Variants in IMPA2 observed in about 807,000 individuals in gnomAD.
IMPA2 encodes inositol monophosphatase 2, also known as IMP 2.
A neutral mutation model predicts 35.1 loss-of-function variants in IMPA2; 32 were observed. The observed-to-expected ratio is 0.91, with a 90% confidence interval of 0.69 to 1.23. The LOEUF (loss-of-function observed/expected upper bound fraction) is 1.23. Among genes scored for constraint, IMPA2 ranks in the 50% most tolerant of loss-of-function variants. The pLI is 0.00. For synonymous variants in IMPA2, 135 were observed against 160.6 expected (o/e 0.84, Z 1.20); for missense variants, 334 against 387.6 (o/e 0.86, Z 1.16).
At chr18:11,989,311 G>A (rs1906746745) in intron 1 of IMPA2, among the ~76,000 whole-genome samples, 1 of 152,216 alleles carries the variant, frequency 6.6e-6, no homozygotes, top group Non-Finnish European at 1.5e-5. Flanking sequence ...TGGAGGAAGA[G>A]GAGGCAGGAG....
intron 1 of IMPA2, among the ~76,000 whole-genome samples, chr18:11,992,157 C>G (rs961434748): frequency 1.3e-5 from 2 of 152,222 alleles, no homozygotes; most frequent in Non-Finnish European, 2.9e-5. Context: ...CAATGTCTGA[C>G]CAAGTATCTG....
chr18:11,987,132 C>T (rs1906688658), intron 1 of IMPA2, among the ~76,000 whole-genome samples: 1 of 152,066 alleles, frequency 6.6e-6, no homozygotes, highest in African/African-American at 2.4e-5. Context: ...GTTGGAAGCC[C>T]AAGAGGGCTT....
intron 2 of IMPA2, among the ~76,000 whole-genome samples, chr18:12,003,298 G>T (rs746253472): frequency 3.3e-5 from 5 of 152,152 alleles, no homozygotes; most frequent in Non-Finnish European, 7.4e-5. Context: ...TGTGAATGAG[G>T]GACCTGACCA....
intron 2 of IMPA2, among the ~76,000 whole-genome samples, chr18:12,003,054 G>A (rs774904721): frequency 3.9e-5 from 6 of 151,930 alleles, no homozygotes; most frequent in Non-Finnish European, 8.8e-5. Context: ...AATTAGCTGG[G>A]CATGGTAGTG....
At chr18:12,005,528 A>C (rs1257125171) in intron 2 of IMPA2, among the ~76,000 whole-genome samples, 1 of 152,194 alleles carries the variant, frequency 6.6e-6, no homozygotes, top group African/African-American at 2.4e-5. Context: ...GCTGGGTTAC[A>C]CTAAATGAAA....
Position 11,999,185 on chromosome 18 carries a change from C to A in IMPA2, c.228C>A (p.His76Gln). The A allele has an allele frequency of 6.2e-7, 1 of 1,613,292 alleles. No homozygotes were observed. Among genetic ancestry groups the A allele is most frequent in the Non-Finnish European group, 8.5e-7 (1 of 1,179,542 alleles). The change falls in exon 2 of 8, where the codon CAC becomes CAA. Residue 76 changes from histidine to glutamine, a missense_variant and splice_region_variant. Transcript: ENST00000269159. ...ISELRERFPSHRFIAEEAAAS... is the reference protein window; with the variant it reads ...ISELRERFPSQRFIAEEAAAS... ...AGTTGCGAGAGAGGTTTCCTTCACA[C>A]AGGTAGGTGTACTCCTCTGGGAAAC...
intron 5 of IMPA2, among the ~76,000 whole-genome samples, chr18:12,020,050 A>G (rs566167737): frequency 6.7e-6 from 1 of 149,322 alleles, no homozygotes; most frequent in East Asian, 2.0e-4. Flanking sequence ...TAGTTTTTGT[A>G]CTTTTAGTAA....
chr18:12,008,022 T>C (rs7238245), intron 2 of IMPA2, among the ~76,000 whole-genome samples: 20,740 of 151,866 alleles, frequency 0.14, 1,566 homozygotes, highest in Admixed American at 0.21. Context: ...AGTGCAGCGG[T>C]GTGATCTCAG....
chr18:11,997,799 AGG>A (rs995583817), intron 1 of IMPA2, among the ~76,000 whole-genome samples: 3 of 152,226 alleles, frequency 2.0e-5, no homozygotes, highest in Non-Finnish European at 2.9e-5. Flanking sequence ...TTTAGGAAGA[AGG>A]CTCTGAGTTC....
chr18:11,992,496 T>A (rs1906845546), intron 1 of IMPA2, among the ~76,000 whole-genome samples: 1 of 152,152 alleles, frequency 6.6e-6, no homozygotes, highest in Non-Finnish European at 1.5e-5. Context: ...TAGTTGGACG[T>A]CTCCATGAAT....
At chr18:12,023,581 C>T (rs74352838) in intron 5 of IMPA2, among the ~76,000 whole-genome samples, 17,134 of 152,278 alleles carry the variant, frequency 0.11, 1,460 homozygotes, top group East Asian at 0.41. Flanking sequence ...TCCACCCACC[C>T]GCCCTGTGCT....
intron 5 of IMPA2, among the ~76,000 whole-genome samples, chr18:12,016,174 C>T (rs777830323): frequency 6.6e-6 from 1 of 152,110 alleles, no homozygotes; most frequent in Non-Finnish European, 1.5e-5. Flanking sequence ...GTCTGGTATT[C>T]TTCTGTTCCC....
intron 1 of IMPA2, among the ~76,000 whole-genome samples, chr18:11,982,533 G>A (rs1367605362): frequency 6.6e-6 from 1 of 152,184 alleles, no homozygotes; most frequent in East Asian, 1.9e-4. Flanking sequence ...AGTGGCTCAC[G>A]CCTGTAATCC....
intron 2 of IMPA2, 50 bp downstream of exon 2, chr18:11,999,237 T>C (rs1907050909): frequency 6.4e-7 from 1 of 1,570,856 alleles, no homozygotes; most frequent in African/African-American, 1.4e-5. Context: ...GCCACACTCA[T>C]AGAGAATGCA....
intron 2 of IMPA2, among the ~76,000 whole-genome samples, chr18:12,005,169 G>A (rs1387059137): frequency 6.6e-6 from 1 of 152,238 alleles, no homozygotes; most frequent in Non-Finnish European, 1.5e-5. Context: ...TGGGAAGGGG[G>A]ATGCTCGTGC....
intron 1 of IMPA2, among the ~76,000 whole-genome samples, chr18:11,983,357 A>G (rs1906561062): frequency 6.6e-6 from 1 of 152,182 alleles, no homozygotes; most frequent in Non-Finnish European, 1.5e-5. Context: ...AGGAACTTTT[A>G]GGTTCTACTG....
At chr18:12,029,108 G>GTTTTT (rs1158665365) in intron 7 of IMPA2, 115 bp downstream of exon 7, 155 of 267,126 alleles carry the variant, frequency 5.8e-4, no homozygotes, top group African/African-American at 1.6e-3. Flanking sequence ...CAGAGTTTCT[G>GTTTTT]TTTTTTTTTT....
At chr18:12,027,543 T>G (rs555927425) in intron 5 of IMPA2, among the ~76,000 whole-genome samples, 43 of 152,032 alleles carry the variant, frequency 2.8e-4, no homozygotes, top group Non-Finnish European at 5.6e-4. Flanking sequence ...TCATTTTGCT[T>G]TTCTTTTTGG....
chr18:12,009,387 C>T (rs1447983681), intron 2 of IMPA2, among the ~76,000 whole-genome samples: 1 of 152,156 alleles, frequency 6.6e-6, no homozygotes, highest in Non-Finnish European at 1.5e-5. Context: ...GTCTGCAGTT[C>T]AGGTGAGCCA....
Sources: gnomAD v4.1 joint callset for allele counts (sites outside exome capture counted in the v4.1 genomes callset) on GRCh38, gnomAD v4.1.1 for gene constraint, MANE v1.5 for transcripts, NCBI Gene and HGNC (gene_info 2026-07-23, HGNC 2026-07-21) for gene names.